The following CEP290 variants were observed in gnomAD, a reference collection of about 807,000 sequenced individuals.
The protein encoded by CEP290 is centrosomal protein of 290 kDa.
CEP290 carries 317 observed loss-of-function variants against 344.9 expected under a neutral mutation model. The ratio of observed to expected loss-of-function variants is 0.92; its 90% CI spans 0.84 to 1.01. The LOEUF (loss-of-function observed/expected upper bound fraction) is 1.01, where lower values mean the gene tolerates loss of function less well. Among genes scored for constraint, CEP290 ranks in the 50% least tolerant of loss-of-function variants. The probability of loss-of-function intolerance (pLI) is 0.00; values close to 1 mark genes in which losing one functional copy is unlikely to be tolerated. For missense variants in CEP290, 2,754 were observed against 2,761.4 expected (o/e 1.00, Z 0.06); for synonymous variants, 932 against 895.8 (o/e 1.04, Z -0.72).
intron 48 of CEP290, among the ~76,000 whole-genome samples, chr12:88,059,438 C>T (rs999409409): frequency 3.3e-5 from 5 of 152,092 alleles, no homozygotes; most frequent in African/African-American, 9.7e-5. Context: ...GATGGAGTCT[C>T]GCTCTGTTGC....
At chr12:88,073,484 A>C (rs2035533053) in intron 41 of CEP290, among the ~76,000 whole-genome samples, 1 of 152,216 alleles carries the variant, frequency 6.6e-6, no homozygotes, top group Admixed American at 6.5e-5. Context: ...TATATATTTC[A>C]TTTAGGACAT....
In CEP290 at chr12:88,077,281, G is replaced by GT. The variant is rs281865188; in HGVS notation, c.5649dup (p.Leu1884ThrfsTer23). On this transcript the variant is annotated frameshift_variant, in exon 41 of 54. Coordinates refer to ENST00000552810, the MANE Select transcript of CEP290 (RefSeq NM_025114.4). LOFTEE classifies it high-confidence loss of function. ...ACCTTTCCCTCTAATTGGTTCTCTA[G>GT]TTTTTTAACTTTCCTTTGGAGTTCT... The GT allele has an allele frequency of 3.1e-6, 5 of 1,602,730 alleles. No homozygotes were observed. The highest frequency in any genetic ancestry group is 4.3e-6 in the Non-Finnish European group (5 of 1,175,096).
chr12:88,121,168 T>C lies in CEP290; in HGVS notation c.1190-2A>G, dbSNP rs200818935. On this transcript the variant is annotated splice_acceptor_variant, in intron 13 of 53. Coordinates refer to ENST00000552810, the MANE Select transcript of CEP290 (RefSeq NM_025114.4). LOFTEE classifies it high-confidence loss of function. Reference sequence around the variant, plus strand: ...TCTGTTGAGAAAGGGTTGAAGCACCTACAGAGTAAAAACAAAAATCATGAA... The same window carrying C: ...TCTGTTGAGAAAGGGTTGAAGCACCCACAGAGTAAAAACAAAAATCATGAA... 1.2e-5 allele frequency: 20 copies of C among 1,606,792 alleles called. No individual in the cohort carries two copies. The highest frequency in any genetic ancestry group is 1.7e-5 in the Non-Finnish European group (20 of 1,177,324).
At chr12:88,140,194 T>C (rs796091313) in intron 3 of CEP290, among the ~76,000 whole-genome samples, 84 of 152,342 alleles carry the variant, frequency 5.5e-4, no homozygotes, top group African/African-American at 2.0e-3. Flanking sequence ...CTACTTTTTT[T>C]CTGTTCCAAT....
intron 38 of CEP290, 77 bp from the exon 39 acceptor site, chr12:88,079,306 A>T: frequency 8.5e-7 from 1 of 1,175,196 alleles, no homozygotes; most frequent in Non-Finnish European, 1.2e-6. Context: ...TATAAAAAAT[A>T]AACAAGCTTT....
intron 41 of CEP290, among the ~76,000 whole-genome samples, chr12:88,075,690 C>T (rs990518651): frequency 1.3e-5 from 2 of 152,086 alleles, no homozygotes; most frequent in Non-Finnish European, 2.9e-5. Flanking sequence ...GAAAAGGGTA[C>T]TAAAATTTCC....
At chr12:88,055,749 G>A in intron 49 of CEP290, 32 bp from the exon 50 acceptor site, 1 of 1,373,882 alleles carries the variant, frequency 7.3e-7, no homozygotes, top group East Asian at 2.6e-5. Flanking sequence ...GTATAGACAT[G>A]GCAAATAATT....
chr12:88,114,023 T>G (rs2038884993), intron 20 of CEP290, among the ~76,000 whole-genome samples: 1 of 152,048 alleles, frequency 6.6e-6, no homozygotes. Flanking sequence ...AGGGTGCAAT[T>G]GCAGAGATCT....
intron 20 of CEP290, among the ~76,000 whole-genome samples, chr12:88,113,346 C>G (rs2038827401): frequency 6.6e-6 from 1 of 151,900 alleles, no homozygotes. Flanking sequence ...TTTAGACATT[C>G]AAAGTGGCAG....
chr12:88,097,028 A>G (rs1565861052), intron 26 of CEP290, 29 bp from the exon 27 acceptor site: 1 of 1,141,868 alleles, frequency 8.8e-7, no homozygotes, highest in Non-Finnish European at 1.3e-6. Context: ...TCACTAAGAA[A>G]CTACATTGTA....
At position 88,080,317 on chromosome 12, in the gene CEP290, T is replaced by G; in HGVS notation, c.5091A>C (p.Ser1697=). 2 of 1,613,842 alleles carry G rather than the reference T, an allele frequency of 1.2e-6. No homozygotes were observed. Among genetic ancestry groups the G allele is most frequent in the East Asian group, 4.5e-5 (2 of 44,884 alleles). ...ATTTTAAACACTGTGACTCCTTTTG[T>G]GACTGGTCCAGAAGATACTTTAAAT... ...VEDLKYLLDQ[S]QKESQCLKSE... The change falls in exon 38 of 54, where the codon TCA becomes TCC. Residue 1697 remains serine (S), a synonymous_variant. Coordinates refer to ENST00000552810, the MANE Select transcript of CEP290 (RefSeq NM_025114.4).
chr12:88,088,544 G>C (rs893865358), intron 31 of CEP290, among the ~76,000 whole-genome samples: 1 of 152,058 alleles, frequency 6.6e-6, no homozygotes, highest in Non-Finnish European at 1.5e-5. Context: ...GGTTAGAAAA[G>C]CCTAATTTTA....
At chr12:88,130,857 AT>A (rs1477884102) in intron 7 of CEP290, among the ~76,000 whole-genome samples, 1 of 152,116 alleles carries the variant, frequency 6.6e-6, no homozygotes, top group Non-Finnish European at 1.5e-5. Context: ...ATTTTAAAGG[AT>A]TCTGGGTAAG....
At chr12:88,129,177 C>T (rs372928783) in intron 10 of CEP290, 142 bp from the exon 11 acceptor site, 78 of 409,726 alleles carry the variant, frequency 1.9e-4, no homozygotes, top group South Asian at 8.0e-4. Flanking sequence ...CACATACATA[C>T]GGATACATTA....
intron 44 of CEP290, among the ~76,000 whole-genome samples, chr12:88,064,451 G>A (rs1000878022): frequency 2.0e-5 from 3 of 152,018 alleles, no homozygotes; most frequent in Admixed American, 6.5e-5. Context: ...TTATCTAACC[G>A]TTATGGGTTG....
chr12:88,094,565 G>A (rs779194445), intron 27 of CEP290, among the ~76,000 whole-genome samples: 17 of 151,816 alleles, frequency 1.1e-4, no homozygotes, highest in East Asian at 1.9e-4. Context: ...ATGCAGTTAC[G>A]CAGCTTGTCT....
In CEP290 at chr12:88,117,037, G is replaced by T; in HGVS notation, c.1820C>A (p.Ser607Ter). Residue 607 changes from serine (S) to a stop codon, truncating the protein, a stop_gained, in exon 18 of 54, where the codon TCA (serine) becomes TAA (stop). Coordinates refer to ENST00000552810, the MANE Select transcript of CEP290 (RefSeq NM_025114.4). LOFTEE classifies it high-confidence loss of function. ...TTTGCAATACTTTACTATTACCTTTGATTGTGCTTCACTCATATTTTTGAG... is the reference window on the plus strand; with the variant it reads ...TTTGCAATACTTTACTATTACCTTTTATTGTGCTTCACTCATATTTTTGAG... ...LSLKNMSEAQ[S>*]KNEFLSRELI... 13 of 1,285,130 alleles carry T rather than the reference G, an allele frequency of 1.0e-5. No individual in the cohort carries two copies. Among genetic ancestry groups the T allele is most frequent in the South Asian group, 3.9e-5 (3 of 77,426 alleles). The allele number at this position is 1,285,130 out of a possible 1,614,324, so 79.6% of individuals were successfully genotyped here.
At chr12:88,066,478 T>G (rs1274143276) in intron 44 of CEP290, among the ~76,000 whole-genome samples, 1 of 151,396 alleles carries the variant, frequency 6.6e-6, no homozygotes, top group Admixed American at 6.6e-5. Flanking sequence ...TGTTTCTTTT[T>G]TTTTTTTTTT....
At chr12:88,125,213 G>T in intron 13 of CEP290, 33 bp downstream of exon 13, 3 of 603,984 alleles carry the variant, frequency 5.0e-6, no homozygotes, top group Non-Finnish European at 7.6e-6. Context: ...AAACATAATT[G>T]TATATAAAAT....
Sources: allele counts gnomAD v4.1 joint callset (sites outside exome capture counted in the v4.1 genomes callset), GRCh38; gene constraint gnomAD v4.1.1; transcripts MANE v1.5; gene names NCBI Gene and HGNC (gene_info 2026-07-23, HGNC 2026-07-21).